Variants in MYCBP2 observed in about 807,000 individuals in gnomAD.
MYCBP2 encodes the protein E3 ubiquitin-protein ligase MYCBP2.
Under a neutral mutation model 525.3 loss-of-function variants are expected in MYCBP2, and 120 were observed. That is an observed-to-expected ratio of 0.23 (90% CI 0.20 to 0.27). MYCBP2 has a LOEUF of 0.27. MYCBP2 is among the 10% of genes least tolerant of loss of function. MYCBP2 has a pLI of 1.00. For missense variants in MYCBP2, 4,149 were observed against 5,657.1 expected (o/e 0.73, Z 8.55); for synonymous variants, 1,894 against 1,955.8 (o/e 0.97, Z 0.83).
intron 68 of MYCBP2, 86 bp from the exon 69 acceptor site, chr13:77,070,797 G>C (rs1221396505): frequency 1.3e-6 from 1 of 779,876 alleles, no homozygotes; most frequent in Admixed American, 2.7e-5. Flanking sequence ...AAAGTAACTT[G>C]AGAAATAATT....
At chr13:77,217,232 T>C (rs900842282) in intron 21 of MYCBP2, among the ~76,000 whole-genome samples, 24 of 152,192 alleles carry the variant, frequency 1.6e-4, no homozygotes, top group East Asian at 1.9e-4. Flanking sequence ...ATTATCCACA[T>C]CTGAAATGGT....
chr13:77,075,287 A>G (rs1027874894), intron 68 of MYCBP2, among the ~76,000 whole-genome samples: 1 of 152,206 alleles, frequency 6.6e-6, no homozygotes, highest in African/African-American at 2.4e-5. Context: ...TGAATGATAC[A>G]GTTTAAAATG....
chr13:77,155,609 T>G (rs956896868), intron 46 of MYCBP2, among the ~76,000 whole-genome samples: 1 of 152,178 alleles, frequency 6.6e-6, no homozygotes, highest in East Asian at 1.9e-4. Context: ...CCTCATTCTT[T>G]TACAATCTAA....
intron 55 of MYCBP2, among the ~76,000 whole-genome samples, chr13:77,115,684 GA>G (rs750284876): frequency 6.9e-5 from 10 of 145,760 alleles, no homozygotes; most frequent in Non-Finnish European, 1.1e-4. Flanking sequence ...CTATGATTCG[GA>G]AAAAAAAAAC....
chr13:77,230,702 C>A (rs2067007217), intron 18 of MYCBP2, among the ~76,000 whole-genome samples: 1 of 152,168 alleles, frequency 6.6e-6, no homozygotes, highest in Non-Finnish European at 1.5e-5. Context: ...CCTCAGCCAC[C>A]CAGCCACCCA....
Position 77,081,120 on chromosome 13 carries a change from T to TTCCA in MYCBP2, c.11418+303_11418+306dup, listed in dbSNP as rs2043237533. ...GATCAGCAGAGTTTAAGGGGAGGAC[T>TTCCA]TCCAGGTCACGGGAAAATCTTAACC... is the stretch of plus-strand genomic sequence containing the variant. On this transcript the variant is annotated intron_variant, in intron 65 of 82. Transcript: ENST00000544440. The surrounding 1 kb of genome is among the most constrained non-coding windows in gnomAD (Gnocchi z 4.6). 4 of 281,006 alleles carry TTCCA rather than the reference T, an allele frequency of 1.4e-5. No individual in the cohort carries two copies. The East Asian group carries it at 2.9e-4, about 20-fold the overall frequency. 17.4% of individuals were successfully genotyped at this position (281,006 alleles called of 1,614,324 possible).
intron 26 of MYCBP2, among the ~76,000 whole-genome samples, chr13:77,203,121 G>A (rs1209425028): frequency 1.3e-5 from 2 of 152,044 alleles, no homozygotes; most frequent in East Asian, 1.9e-4. Context: ...GTTTGCAGAC[G>A]ACATGATTGT....
chr13:77,092,877 G>A (rs2045667684), intron 59 of MYCBP2, among the ~76,000 whole-genome samples: 1 of 152,132 alleles, frequency 6.6e-6, no homozygotes, highest in African/African-American at 2.4e-5. Flanking sequence ...CTGCTCCCAT[G>A]AAAACTCAAA....
chr13:77,072,384 CCCAAAT>C (rs1368261582), intron 68 of MYCBP2, among the ~76,000 whole-genome samples: 1 of 150,482 alleles, frequency 6.6e-6, no homozygotes, highest in East Asian at 1.9e-4. Context: ...AACAGAATAC[CCCAAAT>C]TTGTGAAATG....
At chr13:77,278,351 T>C (rs189795332) in intron 4 of MYCBP2, among the ~76,000 whole-genome samples, 125 of 152,350 alleles carry the variant, frequency 8.2e-4, no homozygotes, top group African/African-American at 2.9e-3. Flanking sequence ...TGCCCCCCGC[T>C]TCATCATACT....
chr13:77,270,025 T>G lies in MYCBP2; in HGVS notation c.1227A>C (p.Arg409Ser). The change falls in exon 7 of 83, where the codon AGA (arginine) becomes AGC (serine). Residue 409 changes from arginine (R) to serine (S), a missense_variant. Around this residue, in one of 21 missense-constraint regions of MYCBP2, gnomAD observed 262 missense variants for 419.3 expected, o/e 0.62. Transcript: ENST00000544440. ...ACCCTAACCAAGACTTTTTTTCTTT[T>G]CTGTTTCTAATACGGGATGTAGAAT... ...IYNSTSRIRN[R>S]KEKKSWLGYA... 11 of 1,612,584 alleles carry G rather than the reference T, an allele frequency of 6.8e-6. No homozygotes were observed. The highest frequency in any genetic ancestry group is 9.3e-6 in the Non-Finnish European group (11 of 1,179,512).
Position 77,070,421 on chromosome 13 carries a change from A to AT in MYCBP2, c.11904+209dup, listed in dbSNP as rs551128143. ...TATTAGGAGATTTTTTTTTCTTGCA[A>AT]TTTTTTTTTTAGTTCATCAGCTATT... On this transcript the variant is annotated intron_variant, in intron 69 of 82. Transcript: ENST00000544440. Among the ~76,000 whole-genome samples the AT allele has an allele frequency of 2.2e-3, 334 of 149,862 alleles. 1 individual carries two copies. The highest frequency in any genetic ancestry group is 2.7e-3 in the Non-Finnish European group (181 of 67,200).
chr13:77,211,438 C>T (rs1593948624), intron 22 of MYCBP2, 118 bp from the exon 23 acceptor site: 2 of 461,372 alleles, frequency 4.3e-6, no homozygotes, highest in East Asian at 1.2e-4. Flanking sequence ...ATAAAAGAGG[C>T]TAAGTAATTA....
intron 26 of MYCBP2, among the ~76,000 whole-genome samples, chr13:77,203,916 A>C (rs1287163481): frequency 7.2e-5 from 11 of 152,060 alleles, no homozygotes; most frequent in Non-Finnish European, 1.3e-4. Context: ...TAAAGACTTA[A>C]ACGTTAGACC....
Position 77,190,296 on chromosome 13 carries a change from A to G in MYCBP2, c.4110T>C (p.Asn1370=). The change falls in exon 29 of 83, where the codon AAT becomes AAC. Residue 1370 remains asparagine, a synonymous_variant. Coordinates refer to ENST00000544440, the MANE Select transcript of MYCBP2 (RefSeq NM_015057.5). ...TCTGACCCGCATTAACATCTGTACC[A>G]TTATTTGATTTCTTTGAACTCTTGA... ...FQFKSSKKSN[N]GTDVNAGQIP... The G allele has an allele frequency of 6.2e-7, 1 of 1,610,400 alleles. No individual in the cohort carries two copies. The highest frequency in any genetic ancestry group is 1.1e-5 in the South Asian group (1 of 90,570).
Position 77,077,308 on chromosome 13 carries a change from A to C in MYCBP2, c.11564T>G (p.Leu3855Ter). The C allele has an allele frequency of 6.2e-7, 1 of 1,613,908 alleles. No homozygotes were observed. The highest frequency in any genetic ancestry group is 8.5e-7 in the Non-Finnish European group (1 of 1,179,926). The part of the protein sequence containing the change: ...GGDNHIIKIE[L>*]KGPENTLRVR... ...TCTCAGTGTATTTTCTGGGCCTTTTAATTCAATTTTTATGATGTGATTATC... is the reference window on the plus strand; with the variant it reads ...TCTCAGTGTATTTTCTGGGCCTTTTCATTCAATTTTTATGATGTGATTATC... The change falls in exon 67 of 83, where the codon TTA becomes TGA. Residue 3855 changes from leucine (L) to a stop codon, truncating the protein, a stop_gained. Transcript: ENST00000544440. LOFTEE classifies it high-confidence loss of function.
chr13:77,070,016 TG>T (rs1238378711), intron 69 of MYCBP2, among the ~76,000 whole-genome samples: 2 of 152,166 alleles, frequency 1.3e-5, no homozygotes, highest in Admixed American at 6.5e-5. Flanking sequence ...ATATTAACAC[TG>T]GTATAGTTAA....
intron 69 of MYCBP2, among the ~76,000 whole-genome samples, chr13:77,070,265 G>A (rs2040947121): frequency 6.6e-6 from 1 of 152,180 alleles, no homozygotes; most frequent in South Asian, 2.1e-4. Flanking sequence ...AAAAGGGCGA[G>A]CATAAAAAAG....
At chr13:77,121,646 C>T in intron 54 of MYCBP2, 151 bp from the exon 55 acceptor site, 1 of 665,424 alleles carries the variant, frequency 1.5e-6, no homozygotes. Context: ...CCAGTCAGGT[C>T]ATCTTAACAT....
Sources: gnomAD v4.1 joint callset for allele counts (sites outside exome capture counted in the v4.1 genomes callset) on GRCh38, gnomAD v4.1.1 for gene constraint, gnomAD v4.1.1 regional missense constraint, Gnocchi (gnomAD v3.1) non-coding constraint, MANE v1.5 for transcripts, NCBI Gene and HGNC (gene_info 2026-07-23, HGNC 2026-07-21) for gene names.